STIM2: variants seen among roughly 807,000 people sequenced by gnomAD.
The protein encoded by STIM2 is stromal interaction molecule 2.
STIM2 carries 31 observed loss-of-function variants against 85.8 expected under a neutral mutation model. The observed-to-expected ratio is 0.36, with a 90% CI of 0.27 to 0.49. The LOEUF (loss-of-function observed/expected upper bound fraction) is 0.49. STIM2 is among the 20% of genes least tolerant of loss of function. STIM2 has a pLI of 0.98. For synonymous variants in STIM2, 356 were observed against 331.1 expected (o/e 1.08, Z -0.82); for missense variants, 841 against 927.6 (o/e 0.91, Z 1.21).
chr4:26,872,226 T>C (rs944386619), intron 1 of STIM2, among the ~76,000 whole-genome samples: 30 of 152,290 alleles, frequency 2.0e-4, no homozygotes, highest in Admixed American at 5.2e-4. Context: ...AACCGGACCA[T>C]GAGTGGTCCG....
rs1729052102 is a variant in STIM2 at position 27,025,361 on chromosome 4, A to G, written c.*2365A>G. On this transcript the variant is annotated 3_prime_UTR_variant, in exon 12 of 12. Transcript: ENST00000467087. The stretch of plus-strand genomic sequence containing the variant: ...AATTATGGTGTTTTCCTGATTTTAA[A>G]AGCAATATTTTCCTTACTGTAAAAA... 1 of 149,974 alleles carries G rather than the reference A, an allele frequency of 6.7e-6. No individual in the cohort carries two copies. 9.3% of individuals were successfully genotyped at this position (149,974 alleles called of 1,614,324 possible). A position where few individuals can be genotyped will look rare whatever the true frequency, so the allele number is the denominator to read the frequency against.
At chr4:26,870,916 T>C (rs75057297) in intron 1 of STIM2, among the ~76,000 whole-genome samples, 1 of 150,574 alleles carries the variant, frequency 6.6e-6, no homozygotes, top group Non-Finnish European at 1.5e-5. Context: ...TTTTTTTTTT[T>C]AAATATCCAG....
intron 10 of STIM2, among the ~76,000 whole-genome samples, chr4:27,009,301 A>G (rs1272887844): frequency 6.6e-6 from 1 of 152,224 alleles, no homozygotes; most frequent in East Asian, 1.9e-4. Context: ...ATATAACATT[A>G]TATTGTTGAA....
intron 2 of STIM2, among the ~76,000 whole-genome samples, chr4:26,930,903 G>C (rs1364325608): frequency 6.6e-6 from 1 of 152,160 alleles, no homozygotes; most frequent in African/African-American, 2.4e-5. Context: ...CTCATTTCAT[G>C]GTTTCTGTGG....
chr4:27,021,617 G>A (rs1383900012), intron 11 of STIM2: 1 of 456,742 alleles, frequency 2.2e-6, no homozygotes, highest in Non-Finnish European at 4.4e-6. Flanking sequence ...TTTCAAGTAA[G>A]TGAATGATAT....
chr4:26,912,111 C>T (rs765744050), intron 1 of STIM2, among the ~76,000 whole-genome samples: 18 of 152,072 alleles, frequency 1.2e-4, no homozygotes, highest in East Asian at 1.9e-4. Flanking sequence ...GTATTTGATT[C>T]GGTAAATGCT....
intron 1 of STIM2, among the ~76,000 whole-genome samples, chr4:26,879,863 T>A (rs1722939188): frequency 6.6e-6 from 1 of 152,210 alleles, no homozygotes; most frequent in East Asian, 1.9e-4. Context: ...CAGTAAATAC[T>A]ATGGGTTCTA....
intron 1 of STIM2, among the ~76,000 whole-genome samples, chr4:26,877,516 G>GTT (rs71643698): frequency 7.2e-6 from 1 of 139,250 alleles, no homozygotes; most frequent in Non-Finnish European, 1.6e-5. Context: ...ACGATGGGTT[G>GTT]TTTTTTTTTT....
At chr4:27,009,142 A>G (rs1166805534) in intron 10 of STIM2, 140 bp downstream of exon 10, 2 of 644,050 alleles carry the variant, frequency 3.1e-6, no homozygotes, top group African/African-American at 3.7e-5. Flanking sequence ...TTTGTTAGTA[A>G]TTTAAATATT....
intron 7 of STIM2, among the ~76,000 whole-genome samples, chr4:27,006,261 A>G (rs1728328804): frequency 6.6e-6 from 1 of 152,180 alleles, no homozygotes; most frequent in Admixed American, 6.5e-5. Flanking sequence ...ATATTTTTCT[A>G]CGTAATTCTT....
intron 3 of STIM2, among the ~76,000 whole-genome samples, chr4:26,981,581 G>A (rs1727396308): frequency 6.6e-6 from 1 of 152,156 alleles, no homozygotes; most frequent in South Asian, 2.1e-4. Flanking sequence ...GCCACCATTT[G>A]CCCTAATAAT....
intron 3 of STIM2, among the ~76,000 whole-genome samples, chr4:26,970,241 ATATATG>A (rs1478333604): frequency 0.022 from 522 of 23,840 alleles, 5 homozygotes; most frequent in African/African-American, 0.038. Flanking sequence ...ATATATATAT[ATATATG>A]TATGTATTTT....
intron 2 of STIM2, among the ~76,000 whole-genome samples, chr4:26,951,298 G>T (rs1356355232): frequency 2.6e-5 from 4 of 152,102 alleles, no homozygotes; most frequent in African/African-American, 9.7e-5. Flanking sequence ...CCCCTGCAAA[G>T]GTTACACTAG....
At chr4:26,930,587 A>G (rs774500035) in intron 2 of STIM2, among the ~76,000 whole-genome samples, 4 of 152,176 alleles carry the variant, frequency 2.6e-5, no homozygotes, top group Non-Finnish European at 4.4e-5. Flanking sequence ...TATGTTACAT[A>G]TGCTGCCTTC....
At chr4:26,997,848 A>C (rs757801493) in intron 4 of STIM2, among the ~76,000 whole-genome samples, 2 of 152,218 alleles carry the variant, frequency 1.3e-5, no homozygotes, top group Non-Finnish European at 2.9e-5. Flanking sequence ...CAGAGAGGGA[A>C]TGTTACAGTT....
chr4:26,874,832 C>T (rs749663571), intron 1 of STIM2, among the ~76,000 whole-genome samples: 3 of 152,156 alleles, frequency 2.0e-5, no homozygotes, highest in African/African-American at 4.8e-5. Context: ...AGACAGCAGA[C>T]ACTTTTTAGG....
intron 1 of STIM2, chr4:26,873,528 C>T (rs918497833): frequency 7.8e-6 from 3 of 382,872 alleles, no homozygotes; most frequent in African/African-American, 2.1e-5. Context: ...TAGCAGTAGC[C>T]CAGGGTAACT....
chr4:26,956,960 A>G (rs1206305134), intron 2 of STIM2, among the ~76,000 whole-genome samples: 2 of 152,132 alleles, frequency 1.3e-5, no homozygotes, highest in East Asian at 3.9e-4. Context: ...ACTGTCGTAA[A>G]GGTAAATGAC....
intron 1 of STIM2, among the ~76,000 whole-genome samples, chr4:26,878,770 T>TA (rs1722899393): frequency 6.6e-6 from 1 of 152,104 alleles, no homozygotes; most frequent in Non-Finnish European, 1.5e-5. Flanking sequence ...TCAGGAAACT[T>TA]ACAATCATGG....
Sources: gnomAD v4.1 joint callset for allele counts (sites outside exome capture counted in the v4.1 genomes callset) on GRCh38, gnomAD v4.1.1 for gene constraint, MANE v1.5 for transcripts, NCBI Gene and HGNC (gene_info 2026-07-23, HGNC 2026-07-21) for gene names.